Variants in ARHGAP28 observed in about 807,000 individuals in gnomAD.
ARHGAP28 encodes the protein Rho GTPase activating protein 28, also known as rho GTPase-activating protein 28.
Under a neutral mutation model 90.7 loss-of-function variants are expected in ARHGAP28, and 56 were observed. That is an observed-to-expected ratio of 0.62 (90% confidence interval 0.50 to 0.77). The LOEUF is 0.77. ARHGAP28 is among the 30% of genes least tolerant of loss of function. The pLI is 0.00. For synonymous variants in ARHGAP28, 308 were observed against 323.3 expected, an observed-to-expected ratio of 0.95 and a Z score of 0.51; for missense variants, 869 against 900.9, an observed-to-expected ratio of 0.96 and a Z score of 0.45.
At chr18:6,834,849 C>T (rs1000443305) in intron 2 of ARHGAP28, among the ~76,000 whole-genome samples, 2 of 152,122 alleles carry the variant, frequency 1.3e-5, no homozygotes, top group Non-Finnish European at 2.9e-5. Flanking sequence ...TGCCTAATTA[C>T]ATTGGATGGT....
At chr18:6,825,008 T>C (rs1246722501) in intron 2 of ARHGAP28, 44 bp downstream of exon 2, 1 of 1,469,512 alleles carries the variant, frequency 6.8e-7, no homozygotes, top group Non-Finnish European at 9.0e-7. Context: ...CTGGCTTTCT[T>C]TCTCTGCCCT....
intron 1 of ARHGAP28, among the ~76,000 whole-genome samples, chr18:6,771,843 A>G (rs573606089): frequency 4.6e-5 from 7 of 152,362 alleles, no homozygotes; most frequent in African/African-American, 1.7e-4. Context: ...ATGTAGTTAG[A>G]TAAAAGGTTA....
At chr18:6,844,191 T>C (rs925726857) in intron 3 of ARHGAP28, among the ~76,000 whole-genome samples, 5 of 152,214 alleles carry the variant, frequency 3.3e-5, no homozygotes, top group Non-Finnish European at 7.3e-5. Context: ...AATGATTATA[T>C]AACATATATA....
Position 6,826,357 on chromosome 18 carries a change from C to G in ARHGAP28, c.325+1393C>G, listed in dbSNP as rs139936728. 9.0e-3 allele frequency among the ~76,000 whole-genome samples: 1,374 copies of G among 151,878 alleles called. 13 individuals carry two copies. Among genetic ancestry groups the G allele is most frequent in the African/African-American group, 0.031 (1,272 of 41,422 alleles). ...TTCGCTTGTTGATTTGTTTAAACTCCTTATAGATTCTGGATATTAGACCTC... is the reference window on the plus strand; with the variant it reads ...TTCGCTTGTTGATTTGTTTAAACTCGTTATAGATTCTGGATATTAGACCTC... On this transcript the variant is annotated intron_variant, in intron 2 of 17. Transcript: ENST00000383472.
At chr18:6,839,264 TTTAG>T (rs1436083023) in intron 3 of ARHGAP28, among the ~76,000 whole-genome samples, 1 of 152,106 alleles carries the variant, frequency 6.6e-6, no homozygotes. Context: ...AATGCTTTGT[TTTAG>T]TTAGATTCAC....
rs1195564662 is a variant in ARHGAP28 at position 6,841,186 on chromosome 18, T to TC, written c.543+3773dup. 1.9e-3 allele frequency among the ~76,000 whole-genome samples: 109 copies of TC among 57,784 alleles called. 3 individuals carry two copies. Among genetic ancestry groups the TC allele is most frequent in the South Asian group, 4.0e-3 (5 of 1,264 alleles). The allele number at this position is 57,784 out of a possible 152,430, so 37.9% of individuals were successfully genotyped here. A position where few individuals can be genotyped will look rare whatever the true frequency, so the allele number is the denominator to read the frequency against. ...CTCTCTCCTCTCTCTCTCTCCTCTC[T>TC]CTCTCTCTCTCTCTCTCCTCTCCTC... On this transcript the variant is annotated intron_variant, in intron 3 of 17. Transcript: ENST00000383472.
intron 1 of ARHGAP28, among the ~76,000 whole-genome samples, chr18:6,802,681 A>G (rs2056491011): frequency 6.6e-6 from 1 of 152,010 alleles, no homozygotes; most frequent in Non-Finnish European, 1.5e-5. Context: ...AGGAACTTCT[A>G]TACACTTTTT....
At position 6,733,998 on chromosome 18, in the gene ARHGAP28, T is replaced by C. The variant is rs1007468003; in HGVS notation, c.122+4055T>C. Among the ~76,000 whole-genome samples the C allele has an allele frequency of 2.6e-5, 4 of 152,324 alleles. No individual in the cohort carries two copies. The East Asian group carries it at 7.7e-4, about 29-fold the overall frequency. ...CTAGATCATGGGGGATTCCAACCAC[T>C]GCGAAATTTATTCATGCAGCAAAGA... On this transcript the variant is annotated intron_variant, in intron 1 of 17. Transcript: ENST00000383472.
intron 10 of ARHGAP28, among the ~76,000 whole-genome samples, chr18:6,877,807 A>G (rs890704613): frequency 6.6e-6 from 1 of 152,230 alleles, no homozygotes; most frequent in Admixed American, 6.5e-5. Flanking sequence ...ACCATTACTT[A>G]TTTTGGTTAA....
intron 2 of ARHGAP28, among the ~76,000 whole-genome samples, chr18:6,836,930 G>A (rs1409888145): frequency 6.6e-6 from 1 of 152,002 alleles, no homozygotes; most frequent in Non-Finnish European, 1.5e-5. Context: ...AAATTAGTAG[G>A]ACAGATATGG....
At chr18:6,785,022 A>C (rs942221172) in intron 1 of ARHGAP28, among the ~76,000 whole-genome samples, 33 of 152,158 alleles carry the variant, frequency 2.2e-4, no homozygotes, top group Non-Finnish European at 4.1e-4. Context: ...TTTTTTTTCC[A>C]AAAGGAAATT....
intron 14 of ARHGAP28, among the ~76,000 whole-genome samples, chr18:6,892,325 T>G (rs1358899190): frequency 6.6e-6 from 1 of 151,974 alleles, no homozygotes; most frequent in East Asian, 1.9e-4. Context: ...ATTTTTTAAA[T>G]ATTTTTAGTA....
intron 10 of ARHGAP28, among the ~76,000 whole-genome samples, chr18:6,880,447 C>T (rs1020351436): frequency 2.0e-5 from 3 of 152,150 alleles, no homozygotes; most frequent in East Asian, 1.9e-4. Flanking sequence ...CCAAGCTCCA[C>T]GCTCCCCCAA....
intron 1 of ARHGAP28, among the ~76,000 whole-genome samples, chr18:6,814,656 A>T (rs1401251090): frequency 6.6e-6 from 1 of 152,206 alleles, no homozygotes; most frequent in African/African-American, 2.4e-5. Flanking sequence ...TGGGGGGCTC[A>T]CTTTTAATTG....
At chr18:6,909,458 A>C (rs1166469225) in intron 17 of ARHGAP28, among the ~76,000 whole-genome samples, 1 of 151,464 alleles carries the variant, frequency 6.6e-6, no homozygotes, top group African/African-American at 2.4e-5. Flanking sequence ...ACGCCCAGAC[A>C]ATTTTTATAT....
intron 1 of ARHGAP28, among the ~76,000 whole-genome samples, chr18:6,799,473 C>G (rs920839737): frequency 6.6e-6 from 1 of 152,164 alleles, no homozygotes; most frequent in Non-Finnish European, 1.5e-5. Context: ...ATCACGCTAC[C>G]TGACTTCAAA....
At chr18:6,762,192 A>C (rs2056165578) in intron 1 of ARHGAP28, among the ~76,000 whole-genome samples, 1 of 152,142 alleles carries the variant, frequency 6.6e-6, no homozygotes, top group African/African-American at 2.4e-5. Flanking sequence ...GATGCCTCCC[A>C]GGTGCACCTC....
chr18:6,837,142 G>A, intron 2 of ARHGAP28, 55 bp from the exon 3 acceptor site: 3 of 1,287,652 alleles, frequency 2.3e-6, no homozygotes, highest in Non-Finnish European at 3.2e-6. Flanking sequence ...TATTCACATG[G>A]CATCCAATCA....
intron 11 of ARHGAP28, 21 bp from the exon 12 acceptor site, chr18:6,887,136 C>T: frequency 6.2e-7 from 1 of 1,604,586 alleles, no homozygotes; most frequent in East Asian, 2.2e-5. Flanking sequence ...AAATGTATGA[C>T]TATTTCTGTT....
Sources: gnomAD v4.1 joint callset for allele counts (sites outside exome capture counted in the v4.1 genomes callset) on GRCh38, gnomAD v4.1.1 for gene constraint, MANE v1.5 for transcripts, NCBI Gene and HGNC (gene_info 2026-07-23, HGNC 2026-07-21) for gene names.